The following NPFFR2 variants were observed in gnomAD, a reference collection of about 807,000 sequenced individuals.
NPFFR2 encodes neuropeptide FF receptor 2.
In NPFFR2, 15 loss-of-function variants were observed where a neutral mutation model predicts 13.1. That is an observed-to-expected ratio of 1.15 (90% CI 0.77 to 1.76). The LOEUF is 1.76. Among genes scored for constraint, NPFFR2 ranks in the 40% most tolerant of loss-of-function variants. The probability of loss-of-function intolerance (pLI) is 0.00; values close to 1 mark genes in which losing one functional copy is unlikely to be tolerated. For missense variants in NPFFR2, 572 were observed against 503.5 expected, an observed-to-expected ratio of 1.14 and a Z score of -1.30; for synonymous variants, 190 against 175.7, an observed-to-expected ratio of 1.08 and a Z score of -0.65.
At chr4:72,033,756 A>G (rs1056194132) in intron 1 of NPFFR2, among the ~76,000 whole-genome samples, 2 of 152,228 alleles carry the variant, frequency 1.3e-5, no homozygotes, top group Non-Finnish European at 2.9e-5. Context: ...ATTTTATCCC[A>G]TAGTTCCTAT....
At chr4:72,132,607 T>A (rs1722283919) in intron 2 of NPFFR2, among the ~76,000 whole-genome samples, 1 of 152,244 alleles carries the variant, frequency 6.6e-6, no homozygotes, top group South Asian at 2.1e-4. Flanking sequence ...TCATTTACAT[T>A]TGCACCAACA....
chr4:72,147,856 T>C lies in NPFFR2; in HGVS notation c.*44T>C. ...TCCTAACTCTACTACGCATTATATA[T>C]TTAAATCCATTGCTTTTTGTGGCTT... On this transcript the variant is annotated 3_prime_UTR_variant, in exon 4 of 4. Coordinates refer to ENST00000308744, the MANE Select transcript of NPFFR2 (RefSeq NM_004885.3). 3 of 1,328,374 alleles carry C rather than the reference T, an allele frequency of 2.3e-6. No individual in the cohort carries two copies. Among genetic ancestry groups the C allele is most frequent in the Non-Finnish European group, 3.0e-6 (3 of 985,798 alleles). 82.3% of individuals were successfully genotyped at this position (1,328,374 alleles called of 1,614,324 possible).
intron 1 of NPFFR2, among the ~76,000 whole-genome samples, chr4:72,125,817 T>C (rs1722026947): frequency 6.6e-6 from 1 of 152,212 alleles, no homozygotes; most frequent in African/African-American, 2.4e-5. Flanking sequence ...CAGGATATCC[T>C]ATTTTAATAT....
At chr4:72,079,464 A>G (rs2109791495) in intron 1 of NPFFR2, among the ~76,000 whole-genome samples, 1 of 152,310 alleles carries the variant, frequency 6.6e-6, no homozygotes, top group East Asian at 1.9e-4. Flanking sequence ...GTTACCAATC[A>G]GCACTATAAT....
chr4:72,101,851 A>G (rs1281482575), intron 1 of NPFFR2, among the ~76,000 whole-genome samples: 1 of 152,138 alleles, frequency 6.6e-6, no homozygotes, highest in African/African-American at 2.4e-5. Flanking sequence ...GTTGTTAGCC[A>G]GAAGATATAC....
chr4:72,071,751 C>G (rs1720263874), intron 1 of NPFFR2, among the ~76,000 whole-genome samples: 1 of 152,066 alleles, frequency 6.6e-6, no homozygotes, highest in Non-Finnish European at 1.5e-5. Flanking sequence ...ATTGTTACTT[C>G]TGATTGCAGA....
chr4:72,074,553 G>T (rs6840800), intron 1 of NPFFR2, among the ~76,000 whole-genome samples: 136,802 of 152,026 alleles, frequency 0.9, 62,500 homozygotes, highest in Non-Finnish European at 0.98. Flanking sequence ...ATGTATATAG[G>T]GTTTAGTACT....
intron 1 of NPFFR2, among the ~76,000 whole-genome samples, chr4:72,112,061 T>G (rs1721580924): frequency 6.6e-6 from 1 of 152,082 alleles, no homozygotes. Context: ...GATTGCTTGT[T>G]TGGGGTAGGA....
intron 1 of NPFFR2, among the ~76,000 whole-genome samples, chr4:72,034,450 T>C (rs1307224172): frequency 6.6e-6 from 1 of 152,106 alleles, no homozygotes; most frequent in Non-Finnish European, 1.5e-5. Context: ...GAGAACTCAC[T>C]CACTATCATG....
At chr4:72,072,239 G>T (rs1046590047) in intron 1 of NPFFR2, among the ~76,000 whole-genome samples, 4 of 152,022 alleles carry the variant, frequency 2.6e-5, no homozygotes, top group Non-Finnish European at 4.4e-5. Context: ...CCCTGACAAA[G>T]AACTGATAGT....
At chr4:72,069,415 A>G (rs1578434886) in intron 1 of NPFFR2, among the ~76,000 whole-genome samples, 1 of 150,406 alleles carries the variant, frequency 6.6e-6, no homozygotes, top group African/African-American at 2.5e-5. Context: ...AAAGTGCTAA[A>G]TAAAATATAA....
intron 1 of NPFFR2, among the ~76,000 whole-genome samples, chr4:72,095,172 G>T (rs11737765): frequency 0.95 from 144,891 of 152,266 alleles, 69,377 homozygotes; most frequent in East Asian, 1. Flanking sequence ...AAGAAGACGA[G>T]TCCCAAATCC....
At chr4:72,062,827 A>G (rs570765733) in intron 1 of NPFFR2, among the ~76,000 whole-genome samples, 1 of 152,202 alleles carries the variant, frequency 6.6e-6, no homozygotes, top group Non-Finnish European at 1.5e-5. Context: ...AAAGCCCCAG[A>G]TGTGTGAGAG....
chr4:72,081,600 A>G (rs1359368741), intron 1 of NPFFR2, among the ~76,000 whole-genome samples: 1 of 149,636 alleles, frequency 6.7e-6, no homozygotes, highest in African/African-American at 2.5e-5. Context: ...CGATTCTCCC[A>G]CCTCAGCCTC....
chr4:72,144,746 A>G (rs148793369), intron 3 of NPFFR2, among the ~76,000 whole-genome samples: 24 of 152,308 alleles, frequency 1.6e-4, no homozygotes, highest in Middle Eastern at 3.4e-3. Flanking sequence ...AATCAGTGAA[A>G]GGCAGGACCA....
At chr4:72,136,046 C>T (rs1412770147) in intron 2 of NPFFR2, among the ~76,000 whole-genome samples, 1 of 152,104 alleles carries the variant, frequency 6.6e-6, no homozygotes, top group Non-Finnish European at 1.5e-5. Flanking sequence ...TGTAGTCACT[C>T]TGTTGTGCTA....
intron 1 of NPFFR2, among the ~76,000 whole-genome samples, chr4:72,054,046 A>G (rs1217929404): frequency 2.0e-5 from 3 of 151,976 alleles, no homozygotes; most frequent in African/African-American, 4.8e-5. Flanking sequence ...AAATTGATCT[A>G]TAGATTCAGT....
At chr4:72,104,224 T>C (rs1560412396) in intron 1 of NPFFR2, among the ~76,000 whole-genome samples, 1 of 152,120 alleles carries the variant, frequency 6.6e-6, no homozygotes, top group East Asian at 1.9e-4. Flanking sequence ...GCTACCATGA[T>C]AATAAAAGCT....
intron 1 of NPFFR2, among the ~76,000 whole-genome samples, chr4:72,086,238 G>A (rs1274765487): frequency 6.6e-6 from 1 of 151,960 alleles, no homozygotes; most frequent in East Asian, 1.9e-4. Context: ...CTGTGAACTA[G>A]CGAAGTCCAT....
Sources: gnomAD v4.1 joint callset for allele counts (sites outside exome capture counted in the v4.1 genomes callset) on GRCh38, gnomAD v4.1.1 for gene constraint, MANE v1.5 for transcripts, NCBI Gene and HGNC (gene_info 2026-07-23, HGNC 2026-07-21) for gene names.